The following PATJ variants were observed in gnomAD, a reference collection of about 807,000 sequenced individuals.
PATJ encodes PATJ crumbs cell polarity complex component, also known as inaD-like protein.
Under a neutral mutation model 224.9 loss-of-function variants are expected in PATJ, and 190 were observed. The observed-to-expected ratio is 0.84, with a 90% CI of 0.75 to 0.95. PATJ has a LOEUF of 0.95. Among genes scored for constraint, PATJ ranks in the 40% least tolerant of loss-of-function variants. The pLI, the probability that PATJ is intolerant of heterozygous loss-of-function variation, is 0.00. For missense variants in PATJ, 2,121 were observed against 2,270.3 expected, an observed-to-expected ratio of 0.93 and a Z score of 1.34; for synonymous variants, 769 against 820.3, an observed-to-expected ratio of 0.94 and a Z score of 1.07.
At position 61,754,520 on chromosome 1, in the gene PATJ, GTTTTTTTTTTT is replaced by G. The variant is rs548557219; in HGVS notation, c.-35-8326_-35-8316del. On this transcript the variant is annotated intron_variant, in intron 1 of 43. Transcript: ENST00000642238. ...ACCATGCCTGGCTAATTTTTTGCAT[GTTTTTTTTTTT>G]TTTTTTTTTTTGTAGATACAGGGTT... 4.2e-3 allele frequency among the ~76,000 whole-genome samples: 398 copies of G among 94,452 alleles called. 8 individuals are homozygous for G. The highest frequency in any genetic ancestry group is 0.015 in the African/African-American group (387 of 26,498). The allele number at this position is 94,452 out of a possible 152,430, so 62.0% of individuals were successfully genotyped here.
chr1:61,979,944 C>G (rs566733111), intron 27 of PATJ, among the ~76,000 whole-genome samples: 2 of 152,082 alleles, frequency 1.3e-5, no homozygotes, highest in South Asian at 4.2e-4. Flanking sequence ...AGGCAGGGCA[C>G]CTCTGTAATG....
At chr1:62,031,607 A>G (rs1004329527) in intron 29 of PATJ, among the ~76,000 whole-genome samples, 2 of 152,206 alleles carry the variant, frequency 1.3e-5, no homozygotes, top group South Asian at 4.1e-4. Flanking sequence ...TCACCTAGGG[A>G]TTTTAACTTG....
At chr1:61,936,008 AT>A (rs758947579) in intron 27 of PATJ, among the ~76,000 whole-genome samples, 2 of 152,118 alleles carry the variant, frequency 1.3e-5, no homozygotes, top group Non-Finnish European at 2.9e-5. Flanking sequence ...TTTAAAAAAA[AT>A]AACAACTTTA....
In PATJ at chr1:62,140,773, G is replaced by A. The variant is rs115367330; in HGVS notation, c.5272-7511G>A. The stretch of plus-strand genomic sequence containing the variant: ...TCTAAAAGGCAATGAGCTGGTCTCG[G>A]TGGTTCACGCCTGTATTCCCAGCTA... On this transcript the variant is annotated intron_variant, in intron 41 of 43. Transcript: ENST00000642238. Among the ~76,000 whole-genome samples, 1,348 of 152,158 alleles carry A rather than the reference G, an allele frequency of 8.9e-3. 15 individuals carry two copies. Among genetic ancestry groups the A allele is most frequent in the African/African-American group, 0.03 (1,258 of 41,484 alleles).
At position 62,117,193 on chromosome 1, in the gene PATJ, C is replaced by A. The variant is rs755075845; in HGVS notation, c.4865C>A (p.Ala1622Glu). The A allele has an allele frequency of 8.1e-5, 131 of 1,614,008 alleles. No homozygotes were observed. The highest frequency in any genetic ancestry group is 1.1e-4 in the Non-Finnish European group (127 of 1,180,006). ...CTCCGAGCTGGTTCCTGGACCTCCG[C>A]AAGGACGACATCACAGAACAGTCAG... ...GRLRAGSWTSARTTSQNSQGS... is the reference protein window; with the variant it reads ...GRLRAGSWTSERTTSQNSQGS... Residue 1622 changes from alanine (A) to glutamate (E), a missense_variant, in exon 37 of 44, where the codon GCA becomes GAA. By Grantham distance (107) the Ala-to-Glu change is moderately radical (BLOSUM62 -1). Coordinates refer to ENST00000642238, the MANE Select transcript of PATJ (RefSeq NM_001350145.3).
chr1:61,918,307 CTTTTTTT>C (rs981322479), intron 26 of PATJ, among the ~76,000 whole-genome samples: 1 of 115,628 alleles, frequency 8.6e-6, no homozygotes, highest in East Asian at 2.5e-4. Context: ...TTTGTGTATT[CTTTTTTT>C]TTTTTTTTTT....
At chr1:61,781,222 C>G (rs138387479) in intron 7 of PATJ, among the ~76,000 whole-genome samples, 77 of 152,266 alleles carry the variant, frequency 5.1e-4, no homozygotes, top group African/African-American at 1.5e-3. Flanking sequence ...TACACCTGTG[C>G]ACAATTGTTC....
At chr1:61,985,664 C>T (rs1220650606) in intron 27 of PATJ, among the ~76,000 whole-genome samples, 1 of 152,004 alleles carries the variant, frequency 6.6e-6, no homozygotes, top group East Asian at 1.9e-4. Context: ...CCAGTGGTGG[C>T]ATTTCTCTGC....
In PATJ at chr1:61,875,299, C is replaced by G; in HGVS notation, c.2892C>G (p.Asn964Lys). ...SLPSVPSTEGNSQQGRFDDLE... is the reference protein window; with the variant it reads ...SLPSVPSTEGKSQQGRFDDLE... ...CATCTGTACCATCAACTGAAGGAAACAGTCAACAAGGCAGATTTGACGACC... is the reference window on the plus strand; with the variant it reads ...CATCTGTACCATCAACTGAAGGAAAGAGTCAACAAGGCAGATTTGACGACC... Residue 964 changes from asparagine to lysine, a missense_variant, in exon 21 of 44, where the codon AAC (asparagine) becomes AAG (lysine). Transcript: ENST00000642238. The G allele has an allele frequency of 6.2e-7, 1 of 1,608,900 alleles. No homozygotes were observed. Among genetic ancestry groups the G allele is most frequent in the Non-Finnish European group, 8.5e-7 (1 of 1,175,830 alleles).
At chr1:61,945,733 A>G (rs1442860962) in intron 27 of PATJ, among the ~76,000 whole-genome samples, 1 of 152,190 alleles carries the variant, frequency 6.6e-6, no homozygotes, top group African/African-American at 2.4e-5. Context: ...ACATCTACAG[A>G]ACTCTCCACC....
chr1:62,023,707 C>A (rs1647232302), intron 29 of PATJ, among the ~76,000 whole-genome samples: 1 of 152,174 alleles, frequency 6.6e-6, no homozygotes, highest in Non-Finnish European at 1.5e-5. Flanking sequence ...GATACCCAAT[C>A]AAAATACCTG....
intron 27 of PATJ, among the ~76,000 whole-genome samples, chr1:61,933,490 G>A (rs780535053): frequency 2.0e-5 from 3 of 148,752 alleles, no homozygotes; most frequent in Admixed American, 1.3e-4. Context: ...GCAGTGAGCC[G>A]AGATCGTGCC....
At chr1:62,088,869 CATAT>C (rs34546051) in intron 33 of PATJ, among the ~76,000 whole-genome samples, 1 of 143,486 alleles carries the variant, frequency 7.0e-6, no homozygotes, top group Non-Finnish European at 1.5e-5. Flanking sequence ...ATATATAGAA[CATAT>C]ATATATATAT....
At chr1:62,025,145 G>A (rs995020283) in intron 29 of PATJ, among the ~76,000 whole-genome samples, 1 of 152,126 alleles carries the variant, frequency 6.6e-6, no homozygotes, top group Non-Finnish European at 1.5e-5. Context: ...AACAAATTAC[G>A]AGCAACCAGA....
At chr1:61,963,641 A>G (rs531138559) in intron 27 of PATJ, among the ~76,000 whole-genome samples, 2 of 152,110 alleles carry the variant, frequency 1.3e-5, no homozygotes, top group Admixed American at 6.6e-5. Context: ...TATATTTACT[A>G]TTCATTAAGT....
rs58104906 is a variant in PATJ at position 62,094,558 on chromosome 1, AACACACACACACACACACACACACACAC to A, written c.4377+9934_4377+9961del. Among the ~76,000 whole-genome samples, 8 of 132,536 alleles carry A rather than the reference AACACACACACACACACACACACACACAC, an allele frequency of 6.0e-5. No homozygotes were observed. In the East Asian group the frequency reaches 1.9e-3, roughly 32 times the overall value. The allele number at this position is 132,536 out of a possible 152,430, so 86.9% of individuals were successfully genotyped here. A position where few individuals can be genotyped will look rare whatever the true frequency, so the allele number is the denominator to read the frequency against. ...CTGAACCTAACCTAGATTCTGTCTC[AACACACACACACACACACACACACACAC>A]ACACACACACACACACACACACAGA... On this transcript the variant is annotated intron_variant, in intron 33 of 43. Transcript: ENST00000642238.
At chr1:61,771,693 C>A in intron 6 of PATJ, 67 bp downstream of exon 6, 2 of 1,106,440 alleles carry the variant, frequency 1.8e-6, no homozygotes, top group Non-Finnish European at 2.5e-6. Context: ...AGTGTAAAGA[C>A]ATTTAGAAGG....
At chr1:61,915,475 T>C (rs1379187965) in intron 26 of PATJ, among the ~76,000 whole-genome samples, 10 of 152,092 alleles carry the variant, frequency 6.6e-5, no homozygotes, top group African/African-American at 1.9e-4. Context: ...GTCTTAACTA[T>C]TTATATCATT....
intron 28 of PATJ, among the ~76,000 whole-genome samples, chr1:62,005,574 G>A (rs937192778): frequency 4.6e-5 from 7 of 151,966 alleles, no homozygotes; most frequent in Admixed American, 4.6e-4. Context: ...GACCACCCTG[G>A]GCAAGATAGC....
Sources: allele counts gnomAD v4.1 joint callset (sites outside exome capture counted in the v4.1 genomes callset), GRCh38; gene constraint gnomAD v4.1.1; transcripts MANE v1.5; gene names NCBI Gene and HGNC (gene_info 2026-07-23, HGNC 2026-07-21).